The following FDFT1 variants were observed in gnomAD, a reference collection of about 807,000 sequenced individuals.
The protein encoded by FDFT1 is farnesyl-diphosphate farnesyltransferase 1, also known as squalene synthase.
In FDFT1, 68 loss-of-function variants were observed where a neutral mutation model predicts 46.8. That is an observed-to-expected ratio of 1.45 (90% CI 1.19 to 1.78). The LOEUF is 1.78. FDFT1 is among the 40% of genes most tolerant of loss of function. FDFT1 has a pLI of 0.00. For synonymous variants in FDFT1, 351 were observed against 185.1 expected (o/e 1.90, Z -7.28); for missense variants, 928 against 524.4 (o/e 1.77, Z -7.52).
intron 1 of FDFT1, 80 bp from the exon 2 acceptor site, chr8:11,808,713 CA>C: frequency 1.2e-3 from 5 of 4,162 alleles, no homozygotes; most frequent in African/African-American, 7.5e-3. Context: ...GCCCCAGTCC[CA>C]CTCCCACTCC....
intron 2 of FDFT1, chr8:11,809,334 A>T (rs1807377502): frequency 1.8e-6 from 2 of 1,094,454 alleles, no homozygotes; most frequent in Non-Finnish European, 1.1e-6. Flanking sequence ...GTGTTTTTTG[A>T]CTTTCTTTTC....
At chr8:11,837,844 G>C (rs979464852) in intron 7 of FDFT1, among the ~76,000 whole-genome samples, 15 of 152,126 alleles carry the variant, frequency 9.9e-5, no homozygotes, top group African/African-American at 3.6e-4. Flanking sequence ...GGAAGAGATG[G>C]ATTCTGCACA....
In FDFT1 at chr8:11,820,766, A is replaced by G. The variant is rs375531365; in HGVS notation, c.382-984A>G. On this transcript the variant is annotated intron_variant, in intron 3 of 7. Transcript: ENST00000220584. Reference sequence around the variant, plus strand: ...CAGAGTATACTGTTCCTCCAGGTACAGTCACTCACGCCTTTCCTTGGCTAG... The same window carrying G: ...CAGAGTATACTGTTCCTCCAGGTACGGTCACTCACGCCTTTCCTTGGCTAG... Among the ~76,000 whole-genome samples the G allele has an allele frequency of 2.2e-3, 337 of 152,336 alleles. 3 individuals are homozygous for G. Among genetic ancestry groups the G allele is most frequent in the African/African-American group, 7.8e-3 (324 of 41,584 alleles).
rs76277374 is a variant in FDFT1, at chr8:11,827,593, A to G, written c.702+1378A>G. ...ATACAGGGTTCATATTCCTAATATT[A>G]AAAAAAACTTCTAAAAGTTAAGAAA... On this transcript the variant is annotated intron_variant, in intron 5 of 7. Coordinates refer to ENST00000220584, the MANE Select transcript of FDFT1 (RefSeq NM_004462.5). 5.9e-5 allele frequency among the ~76,000 whole-genome samples: 9 copies of G among 152,150 alleles called. No individual in the cohort carries two copies. The East Asian group carries it at 1.2e-3, about 20-fold the overall frequency.
At chr8:11,818,635 T>C (rs1808796735) in intron 3 of FDFT1, among the ~76,000 whole-genome samples, 1 of 152,216 alleles carries the variant, frequency 6.6e-6, no homozygotes, top group African/African-American at 2.4e-5. Flanking sequence ...TTGTCTCTTT[T>C]GATCTTAGTT....
At chr8:11,823,737 A>AG (rs1809578251) in intron 4 of FDFT1, among the ~76,000 whole-genome samples, 2 of 151,704 alleles carry the variant, frequency 1.3e-5, no homozygotes, top group Non-Finnish European at 2.9e-5. Context: ...TGCCTGGCTA[A>AG]TTTATTTTAA....
rs1024812445 is a variant in FDFT1 at position 11,832,603 on chromosome 8, T to G, written c.1032+933T>G. The stretch of plus-strand genomic sequence containing the variant: ...TCTTAGAGACCAGAAGTCTTTGTAA[T>G]CTCTAATAATCTCTAGGCCCTAGAG... On this transcript the variant is annotated intron_variant, in intron 7 of 7. Transcript: ENST00000220584. 2.2e-5 allele frequency among the ~76,000 whole-genome samples: 3 copies of G among 133,714 alleles called. No individual in the cohort carries two copies. The East Asian group carries it at 6.8e-4, about 30-fold the overall frequency. 87.7% of individuals were successfully genotyped at this position (133,714 alleles called of 152,430 possible).
intron 1 of FDFT1, 111 bp downstream of exon 1, chr8:11,803,042 C>T (rs1806338402): frequency 9.5e-6 from 14 of 1,478,436 alleles, no homozygotes; most frequent in Non-Finnish European, 9.0e-6. Context: ...CGAGCAGGGC[C>T]GACGCCTGGG....
chr8:11,803,221 T>G, intron 1 of FDFT1: 1 of 1,398,240 alleles, frequency 7.2e-7, no homozygotes, highest in Non-Finnish European at 9.4e-7. Context: ...CATCGGCGCT[T>G]ACCGGTATTT....
In FDFT1 at chr8:11,838,611, C is replaced by T. The variant is rs376098828; in HGVS notation, c.*2C>T. 16 of 1,609,472 alleles carry T rather than the reference C, an allele frequency of 9.9e-6. No homozygotes were observed. The South Asian group carries it at 1.1e-4, about 11-fold the overall frequency. ...TATGTTCAGACTGGAGAACACTGAT[C>T]CCAAATTTGTCCATAGCTGAAGTCC... On this transcript the variant is annotated 3_prime_UTR_variant, in exon 8 of 8. Coordinates refer to ENST00000220584, the MANE Select transcript of FDFT1 (RefSeq NM_004462.5).
chr8:11,828,160 C>T (rs781439160), intron 5 of FDFT1, among the ~76,000 whole-genome samples: 11 of 152,084 alleles, frequency 7.2e-5, no homozygotes, highest in Non-Finnish European at 1.2e-4. Flanking sequence ...TAGTGGCACA[C>T]CCCTATAGTT....
chr8:11,808,232 G>C, intron 1 of FDFT1: 2 of 1,188,476 alleles, frequency 1.7e-6, no homozygotes, highest in Non-Finnish European at 2.1e-6. Context: ...CCCGAGTAGA[G>C]TTTGGTCTAG....
intron 1 of FDFT1, chr8:11,808,496 C>T: frequency 3.8e-6 from 5 of 1,329,814 alleles, no homozygotes; most frequent in Middle Eastern, 5.7e-4. Context: ...GGAGGAAAAA[C>T]TCCGCGGGGT....
chr8:11,800,260 C>CAAA (rs57381182), upstream of FDFT1, among the ~76,000 whole-genome samples: 57 of 57,912 alleles, frequency 9.8e-4, 4 homozygotes, highest in African/African-American at 2.4e-3. Flanking sequence ...AATTCTGTCT[C>CAAA]AAAAAAAAAA....
chr8:11,816,342 G>T (rs1251483908), intron 3 of FDFT1, among the ~76,000 whole-genome samples: 1 of 152,188 alleles, frequency 6.6e-6, no homozygotes, highest in Non-Finnish European at 1.5e-5. Flanking sequence ...GATTGTCTTG[G>T]CTATGCAGGC....
At chr8:11,828,875 G>C (rs1050489504) in intron 5 of FDFT1, among the ~76,000 whole-genome samples, 9 of 152,170 alleles carry the variant, frequency 5.9e-5, no homozygotes, top group Non-Finnish European at 1.3e-4. Context: ...TTATTCCACT[G>C]TGTGGATAGA....
intron 7 of FDFT1, 150 bp downstream of exon 7, chr8:11,831,820 A>G (rs973462535): frequency 4.3e-6 from 3 of 698,980 alleles, no homozygotes; most frequent in African/African-American, 3.6e-5. Context: ...TTATAAGGAA[A>G]AAAGTCTATT....
At chr8:11,803,001 G>C in intron 1 of FDFT1, 70 bp downstream of exon 1, 1 of 1,535,174 alleles carries the variant, frequency 6.5e-7, no homozygotes, top group South Asian at 1.2e-5. Context: ...GGCCTGAGCG[G>C]CCGGGCCCGG....
chr8:11,801,969 G>T, upstream of FDFT1: 1 of 455,742 alleles, frequency 2.2e-6, no homozygotes, highest in Admixed American at 2.3e-5. Context: ...GATTACAGGC[G>T]TGAGCCACCA....
Sources: allele counts gnomAD v4.1 joint callset (sites outside exome capture counted in the v4.1 genomes callset), GRCh38; gene constraint gnomAD v4.1.1; transcripts MANE v1.5; gene names NCBI Gene and HGNC (gene_info 2026-07-23, HGNC 2026-07-21).